IGF1R: variants seen among roughly 807,000 people sequenced by gnomAD.
The protein encoded by IGF1R is insulin-like growth factor 1 receptor.
IGF1R carries 44 observed loss-of-function variants against 144.6 expected under a neutral mutation model. That is an observed-to-expected ratio of 0.30 (90% CI 0.24 to 0.39). The LOEUF (loss-of-function observed/expected upper bound fraction) is 0.39, where lower values mean the gene tolerates loss of function less well. Ranked by LOEUF, IGF1R falls within the 10% of genes least tolerant of loss-of-function variation. The pLI is 1.00. For missense variants in IGF1R, 1,355 were observed against 1,833.7 expected (o/e 0.74, Z 4.77); for synonymous variants, 795 against 722.8 (o/e 1.10, Z -1.60).
intron 2 of IGF1R, among the ~76,000 whole-genome samples, chr15:98,832,361 A>G (rs527494965): frequency 6.6e-6 from 1 of 152,298 alleles, no homozygotes; most frequent in African/African-American, 2.4e-5. Flanking sequence ...GGTCCCCAGC[A>G]TATTCCAGGA....
chr15:98,683,136 G>T (rs2053233482), intron 1 of IGF1R, among the ~76,000 whole-genome samples: 1 of 151,822 alleles, frequency 6.6e-6, no homozygotes, highest in Non-Finnish European at 1.5e-5. Flanking sequence ...GTTTCCATAG[G>T]ATCTGACAAA....
chr15:98,930,133 G>T (rs1346903746), intron 14 of IGF1R, 102 bp from the exon 15 acceptor site: 2 of 820,714 alleles, frequency 2.4e-6, no homozygotes, highest in East Asian at 2.6e-5. Flanking sequence ...TTCTGATACC[G>T]TGTGAGAGAG....
rs2151721670 is a variant in IGF1R, at chr15:98,945,089, T to G, written c.3587+2037T>G. ...GCAGCTCCCTGTAGCACCATGTCCC[T>G]CTGAAATGACAAGGGTGCCCTCTAG... On this transcript the variant is annotated intron_variant, in intron 19 of 20. Transcript: ENST00000650285. 1.3e-5 allele frequency among the ~76,000 whole-genome samples: 2 copies of G among 152,310 alleles called. 1 individual carries two copies. The highest frequency in any genetic ancestry group is 6.8e-3 in the Middle Eastern group (2 of 294).
intron 1 of IGF1R, among the ~76,000 whole-genome samples, chr15:98,655,727 CTTT>C (rs534783117): frequency 2.8e-5 from 4 of 141,428 alleles, no homozygotes; most frequent in Admixed American, 7.0e-5. Context: ...ATTTTTTTTT[CTTT>C]TTTTTTTTTG....
At chr15:98,835,381 C>A (rs2057081282) in intron 2 of IGF1R, among the ~76,000 whole-genome samples, 1 of 152,220 alleles carries the variant, frequency 6.6e-6, no homozygotes, top group South Asian at 2.1e-4. Context: ...CATCTTCTTT[C>A]CCTTCTTACC....
At chr15:98,902,464 C>G (rs940060500) in intron 5 of IGF1R, among the ~76,000 whole-genome samples, 5 of 140,036 alleles carry the variant, frequency 3.6e-5, no homozygotes, top group African/African-American at 1.3e-4. Context: ...GTCGCCCAGG[C>G]TGGAGTGTAG....
chr15:98,859,918 T>TG (rs2141581059), intron 2 of IGF1R, among the ~76,000 whole-genome samples: 1 of 152,284 alleles, frequency 6.6e-6, no homozygotes, highest in East Asian at 1.9e-4. Flanking sequence ...GGTAGTTTCT[T>TG]GAAGTTTTTT....
At chr15:98,913,634 C>A (rs561101721) in intron 8 of IGF1R, among the ~76,000 whole-genome samples, 4 of 152,218 alleles carry the variant, frequency 2.6e-5, no homozygotes, top group Non-Finnish European at 5.9e-5. Flanking sequence ...TGAAACCATG[C>A]TGATCTGTGT....
chr15:98,954,799 T>C (rs1303551797), intron 20 of IGF1R, among the ~76,000 whole-genome samples: 1 of 152,198 alleles, frequency 6.6e-6, no homozygotes, highest in Admixed American at 6.5e-5. Flanking sequence ...CAATCATTTT[T>C]CTTAGGAAGT....
chr15:98,661,437 G>C (rs779815844), intron 1 of IGF1R, among the ~76,000 whole-genome samples: 3 of 152,230 alleles, frequency 2.0e-5, no homozygotes, highest in Non-Finnish European at 2.9e-5. Flanking sequence ...TCCGAGGAGT[G>C]GGGTGGGATA....
At chr15:98,911,769 G>GA (rs1453080687) in intron 7 of IGF1R, among the ~76,000 whole-genome samples, 2 of 152,288 alleles carry the variant, frequency 1.3e-5, no homozygotes, top group Admixed American at 1.3e-4. Context: ...ACTCATGAAC[G>GA]ATGATGGGGG....
chr15:98,923,816 G>T, intron 11 of IGF1R, 60 bp from the exon 12 acceptor site: 5 of 1,432,828 alleles, frequency 3.5e-6, no homozygotes, highest in Non-Finnish European at 4.9e-6. Context: ...GGTCAGCCCA[G>T]TGTTGGCCTC....
chr15:98,812,695 G>A (rs1480581725), intron 2 of IGF1R, among the ~76,000 whole-genome samples: 1 of 152,088 alleles, frequency 6.6e-6, no homozygotes, highest in Non-Finnish European at 1.5e-5. Context: ...TAATATTATG[G>A]CCATCCTTCC....
chr15:98,739,065 G>A (rs2054677496), intron 2 of IGF1R, among the ~76,000 whole-genome samples: 1 of 152,150 alleles, frequency 6.6e-6, no homozygotes, highest in African/African-American at 2.4e-5. Flanking sequence ...TAAAAACATT[G>A]GTTATAAGTG....
intron 2 of IGF1R, among the ~76,000 whole-genome samples, chr15:98,863,545 A>AT (rs1386793582): frequency 5.3e-5 from 8 of 152,082 alleles, no homozygotes; most frequent in African/African-American, 1.7e-4. Context: ...GATTTTATGT[A>AT]TTTTTTAACA....
intron 2 of IGF1R, among the ~76,000 whole-genome samples, chr15:98,858,351 A>G (rs2011950725): frequency 6.6e-6 from 1 of 152,200 alleles, no homozygotes; most frequent in African/African-American, 2.4e-5. Context: ...TTTTTATTTA[A>G]ATTCATTTTG....
At position 98,803,560 on chromosome 15, in the gene IGF1R, C is replaced by T. The variant is rs1464275680; in HGVS notation, c.641-87765C>T. On this transcript the variant is annotated intron_variant, in intron 2 of 20. Coordinates refer to ENST00000650285, the MANE Select transcript of IGF1R (RefSeq NM_000875.5). ...TTGCTCTGTCCCCCAGGCTGGAGTG[C>T]AGTGGTGCAATCACAGCTCACTGCA... is the stretch of plus-strand genomic sequence containing the variant. 7.3e-5 allele frequency among the ~76,000 whole-genome samples: 11 copies of T among 149,920 alleles called. No homozygotes were observed. In the South Asian group the frequency reaches 2.1e-3, roughly 29 times the overall value.
At chr15:98,954,833 CTTAT>C (rs2016915669) in intron 20 of IGF1R, among the ~76,000 whole-genome samples, 1 of 152,152 alleles carries the variant, frequency 6.6e-6, no homozygotes, top group South Asian at 2.1e-4. Context: ...GAAAGGCAGG[CTTAT>C]TTGTCATCAA....
chr15:98,942,467 A>C (rs926499383), intron 18 of IGF1R, among the ~76,000 whole-genome samples: 2 of 152,028 alleles, frequency 1.3e-5, no homozygotes, highest in Non-Finnish European at 2.9e-5. Context: ...CCAAGTACCT[A>C]GGAACACAGG....
Sources: gnomAD v4.1 joint callset for allele counts (sites outside exome capture counted in the v4.1 genomes callset) on GRCh38, gnomAD v4.1.1 for gene constraint, MANE v1.5 for transcripts, NCBI Gene and HGNC (gene_info 2026-07-23, HGNC 2026-07-21) for gene names.